The following NXN variants were observed in gnomAD, a reference collection of about 807,000 sequenced individuals.
NXN encodes the protein nucleoredoxin 1.
NXN carries 16 observed loss-of-function variants against 48.6 expected under a neutral mutation model. That is an observed-to-expected ratio of 0.33 (90% CI 0.22 to 0.50). The LOEUF is 0.50. NXN is among the 20% of genes least tolerant of loss of function. NXN has a pLI of 0.98. For synonymous variants in NXN, 281 were observed against 269.6 expected, an observed-to-expected ratio of 1.04 and a Z score of -0.41; for missense variants, 492 against 605.5, an observed-to-expected ratio of 0.81 and a Z score of 1.97.
chr17:946,805 G>A (rs1037881339), intron 1 of NXN, among the ~76,000 whole-genome samples: 11 of 152,204 alleles, frequency 7.2e-5, no homozygotes, highest in African/African-American at 1.2e-4. Context: ...GGGTGATCAC[G>A]CCAACGTCAC....
At chr17:846,779 G>T (rs559326403) in intron 1 of NXN, among the ~76,000 whole-genome samples, 1 of 152,252 alleles carries the variant, frequency 6.6e-6, no homozygotes, top group East Asian at 1.9e-4. Flanking sequence ...AAAGGAATGT[G>T]AGCTGGTACT....
chr17:866,099 G>A (rs1382577524), intron 1 of NXN, among the ~76,000 whole-genome samples: 2 of 152,186 alleles, frequency 1.3e-5, no homozygotes, highest in South Asian at 2.1e-4. Flanking sequence ...AGTAAATTAC[G>A]CTCTATATAT....
intron 1 of NXN, among the ~76,000 whole-genome samples, chr17:873,493 C>CAAAAAAAAAAAAAAA (rs71145783): frequency 2.8e-4 from 21 of 74,978 alleles, no homozygotes; most frequent in African/African-American, 5.9e-4. Flanking sequence ...ACACTGTCTC[C>CAAAAAAAAAAAAAAA]AAAAAAAAAA....
intron 1 of NXN, among the ~76,000 whole-genome samples, chr17:871,008 G>A (rs1172568560): frequency 2.6e-5 from 4 of 151,880 alleles, no homozygotes; most frequent in Non-Finnish European, 5.9e-5. Context: ...ACAGGCGCCC[G>A]CCATCACGCC....
rs527435841 is a variant in NXN, at chr17:864,741, G to A, written c.361-38663C>T. 1.7e-4 allele frequency among the ~76,000 whole-genome samples: 26 copies of A among 152,212 alleles called. No homozygotes were observed. In the South Asian group the frequency reaches 4.2e-3, roughly 24 times the overall value. ...TCACTCTGAGGCTCCTCTAATTAAC[G>A]GACCTCTAAGGAATGTGTTTGGCAT... On this transcript the variant is annotated intron_variant, in intron 1 of 7. Transcript: ENST00000336868.
chr17:895,966 G>C (rs1440969404), intron 1 of NXN, among the ~76,000 whole-genome samples: 1 of 152,058 alleles, frequency 6.6e-6, no homozygotes, highest in African/African-American at 2.4e-5. Context: ...CCAATGCTTT[G>C]GGAGGCTGAG....
chr17:817,416 T>C (rs1912530303), intron 5 of NXN, among the ~76,000 whole-genome samples: 1 of 152,172 alleles, frequency 6.6e-6, no homozygotes, highest in Admixed American at 6.5e-5. Flanking sequence ...ACGCCTGTAA[T>C]CCCAGCACTT....
At chr17:965,591 G>A (rs911234686) in intron 1 of NXN, among the ~76,000 whole-genome samples, 2 of 152,096 alleles carry the variant, frequency 1.3e-5, no homozygotes, top group East Asian at 1.9e-4. Flanking sequence ...ATTTGAAGAC[G>A]GCTGAGCAAC....
At chr17:846,995 T>C (rs1341991999) in intron 1 of NXN, among the ~76,000 whole-genome samples, 1 of 152,204 alleles carries the variant, frequency 6.6e-6, no homozygotes, top group Non-Finnish European at 1.5e-5. Context: ...ATGAGGAATG[T>C]GACTACGTAG....
chr17:856,934 A>G (rs2067992309), intron 1 of NXN, among the ~76,000 whole-genome samples: 1 of 151,314 alleles, frequency 6.6e-6, no homozygotes, highest in South Asian at 2.1e-4. Context: ...GGCCTTTTCC[A>G]TCATGAACCT....
intron 1 of NXN, among the ~76,000 whole-genome samples, chr17:867,046 T>A (rs1251427955): frequency 5.9e-4 from 65 of 109,244 alleles, no homozygotes; most frequent in Middle Eastern, 6.3e-3. Flanking sequence ...ATCCTCCAGC[T>A]TGGTCAGCAA....
intron 1 of NXN, among the ~76,000 whole-genome samples, chr17:887,637 T>C (rs374840758): frequency 1.3e-5 from 2 of 152,068 alleles, no homozygotes; most frequent in East Asian, 3.9e-4. Context: ...TGCTCGCCAA[T>C]TAAACGGGAA....
rs1475999143 is a variant in NXN at position 915,779 on chromosome 17, G to C, written c.360+63540C>G. 2.0e-5 allele frequency among the ~76,000 whole-genome samples: 3 copies of C among 152,306 alleles called. No homozygotes were observed. In the East Asian group the frequency reaches 5.8e-4, roughly 29 times the overall value. On this transcript the variant is annotated intron_variant, in intron 1 of 7. Transcript: ENST00000336868. ...CTGACCACTTATGGGGCCAGAGCTG[G>C]GGCTTCCAGGTGAAACTTCCCCTAA...
chr17:895,540 C>T (rs780145559), intron 1 of NXN, among the ~76,000 whole-genome samples: 24 of 151,498 alleles, frequency 1.6e-4, no homozygotes, highest in East Asian at 2.0e-4. Context: ...TGGCCGGGCG[C>T]AGTGGCTCAC....
intron 1 of NXN, among the ~76,000 whole-genome samples, chr17:946,587 C>G (rs923130317): frequency 6.6e-6 from 1 of 152,218 alleles, no homozygotes; most frequent in East Asian, 1.9e-4. Flanking sequence ...CACTAACGCC[C>G]TGGCTGAGAA....
At chr17:870,407 GC>G (rs1418760686) in intron 1 of NXN, among the ~76,000 whole-genome samples, 1 of 150,268 alleles carries the variant, frequency 6.7e-6, no homozygotes, top group African/African-American at 2.4e-5. Context: ...TCAGAGTGAG[GC>G]GGCCTAAGGG....
intron 1 of NXN, among the ~76,000 whole-genome samples, chr17:963,382 C>T (rs2069262292): frequency 6.6e-6 from 1 of 151,898 alleles, no homozygotes; most frequent in Admixed American, 6.6e-5. Context: ...GCAGGTGGAT[C>T]GCTTGAGGCC....
chr17:851,283 C>T (rs542857729), intron 1 of NXN, among the ~76,000 whole-genome samples: 65 of 152,362 alleles, frequency 4.3e-4, no homozygotes, highest in African/African-American at 1.3e-3. Context: ...CAAAGTTCCC[C>T]GGCTGAAATG....
chr17:907,496 C>T (rs751515619), intron 1 of NXN, among the ~76,000 whole-genome samples: 4 of 152,162 alleles, frequency 2.6e-5, no homozygotes, highest in Non-Finnish European at 5.9e-5. Context: ...CCCGCCACCA[C>T]GCCAGGCTAA....
Sources: allele counts gnomAD v4.1 joint callset (sites outside exome capture counted in the v4.1 genomes callset), GRCh38; gene constraint gnomAD v4.1.1; transcripts MANE v1.5; gene names NCBI Gene and HGNC (gene_info 2026-07-23, HGNC 2026-07-21).